The following NDUFA10 variants were observed in gnomAD, a reference collection of about 807,000 sequenced individuals.
NDUFA10 encodes the protein NADH dehydrogenase [ubiquinone] 1 alpha subcomplex subunit 10, mitochondrial.
In NDUFA10, 40 loss-of-function variants were observed where a neutral mutation model predicts 47.8. That is an observed-to-expected ratio of 0.84 (90% confidence interval 0.65 to 1.09). NDUFA10 has a LOEUF of 1.09. Ranked by LOEUF, NDUFA10 falls within the 50% of genes least tolerant of loss-of-function variation. NDUFA10 has a pLI of 0.00. For synonymous variants in NDUFA10, 183 were observed against 172.2 expected (o/e 1.06, Z -0.49); for missense variants, 413 against 451.1 (o/e 0.92, Z 0.76).
At chr2:239,925,951 A>G (rs1694057574) in intron 4 of NDUFA10, among the ~76,000 whole-genome samples, 2 of 152,252 alleles carry the variant, frequency 1.3e-5, no homozygotes, top group Admixed American at 1.3e-4. Flanking sequence ...AAATATCACT[A>G]TACATCTTTC....
rs966161614 is a variant in NDUFA10, at chr2:239,901,606, G to A, written c.295-6292C>T. Among the ~76,000 whole-genome samples, 16 of 151,880 alleles carry A rather than the reference G, an allele frequency of 1.1e-4. 1 individual carries two copies. The highest frequency in any genetic ancestry group is 2.2e-4 in the African/African-American group (9 of 41,316). ...ACATCCATTCTTCAGCCCATGAACC[G>A]AGGGGTGATCTGACTTTCAAGTTTC... On this transcript the variant is annotated intron_variant, in intron 4 of 5. Transcript: ENST00000419408.
chr2:239,931,339 C>T (rs1428018478), intron 4 of NDUFA10, among the ~76,000 whole-genome samples: 2 of 152,216 alleles, frequency 1.3e-5, no homozygotes, highest in Non-Finnish European at 2.9e-5. Context: ...TCACACAGCC[C>T]CCTCCCTCTC....
chr2:239,915,342 T>A (rs1693842597), intron 4 of NDUFA10, among the ~76,000 whole-genome samples: 1 of 114,326 alleles, frequency 8.7e-6, no homozygotes. Context: ...AACGAAGACA[T>A]ACTCAGACAC....
chr2:239,897,565 T>C (rs1693420183), intron 4 of NDUFA10, among the ~76,000 whole-genome samples: 1 of 152,210 alleles, frequency 6.6e-6, no homozygotes, highest in Non-Finnish European at 1.5e-5. Context: ...GACAAGTGTC[T>C]GTTATATTTT....
intron 4 of NDUFA10, among the ~76,000 whole-genome samples, chr2:239,901,032 G>C (rs1431178339): frequency 6.6e-6 from 1 of 152,246 alleles, no homozygotes; most frequent in Non-Finnish European, 1.5e-5. Flanking sequence ...GTTGGAAAAA[G>C]ATGCCATCTA....
intron 3 of NDUFA10, among the ~76,000 whole-genome samples, chr2:240,020,232 C>T (rs973868338): frequency 2.0e-5 from 3 of 152,186 alleles, no homozygotes; most frequent in Non-Finnish European, 4.4e-5. Context: ...ATGAAGCCAA[C>T]CCTAGTGGCG....
chr2:239,910,893 T>C (rs759531309), intron 4 of NDUFA10, among the ~76,000 whole-genome samples: 6 of 152,188 alleles, frequency 3.9e-5, no homozygotes, highest in South Asian at 4.1e-4. Context: ...TCGTGAGCTG[T>C]CCAACAGCTC....
rs558209459 is a variant in NDUFA10 at position 239,985,814 on chromosome 2, G to C, written c.999+4260C>G. On this transcript the variant is annotated intron_variant, in intron 9 of 9. Coordinates refer to ENST00000252711, the MANE Select transcript of NDUFA10 (RefSeq NM_004544.4). ...TAGTCCCAACTACTCGGGAGGCTGA[G>C]GCAGCAGAATCGCTTGAACCTGGGA... Among the ~76,000 whole-genome samples the C allele has an allele frequency of 5.9e-5, 9 of 151,688 alleles. No individual in the cohort carries two copies. In the South Asian group the frequency reaches 1.2e-3, roughly 21 times the overall value.
chr2:240,019,688 G>A (rs1393780577), intron 3 of NDUFA10, among the ~76,000 whole-genome samples: 1 of 82,938 alleles, frequency 1.2e-5, no homozygotes. Flanking sequence ...GCGTAGTGGC[G>A]GGCGCCTGTA....
Position 239,983,731 on chromosome 2 carries a change from G to A in NDUFA10, c.999+6343C>T, listed in dbSNP as rs532580854. 4.9e-5 allele frequency: 77 copies of A among 1,555,706 alleles called. No homozygotes were observed. In the South Asian group the frequency reaches 5.2e-4, roughly 11 times the overall value. On this transcript the variant is annotated intron_variant, in intron 9 of 9. Coordinates refer to ENST00000252711, the MANE Select transcript of NDUFA10 (RefSeq NM_004544.4). ...CCAATCTAATCGCTAGAGAAACATC[G>A]GGCAACCCTCAACTGAGGGAGAGTC...
chr2:239,901,084 G>C (rs1207914634), intron 4 of NDUFA10, among the ~76,000 whole-genome samples: 2 of 152,206 alleles, frequency 1.3e-5, no homozygotes, highest in African/African-American at 4.8e-5. Context: ...GGGCTTCAAA[G>C]GACAAGCTGA....
chr2:240,024,350 T>G (rs1697765406), intron 1 of NDUFA10, among the ~76,000 whole-genome samples: 1 of 152,206 alleles, frequency 6.6e-6, no homozygotes, highest in Non-Finnish European at 1.5e-5. Context: ...TTCCAAGTAT[T>G]CAAGGCGTCT....
intron 4 of NDUFA10, among the ~76,000 whole-genome samples, chr2:239,949,868 G>T (rs969154769): frequency 6.6e-6 from 1 of 152,148 alleles, no homozygotes; most frequent in Non-Finnish European, 1.5e-5. Context: ...GCAGACAGCA[G>T]ATCTTGGGGC....
At chr2:239,911,668 A>AGTGTGTGTGTGTGTGT (rs1209330426) in intron 4 of NDUFA10, among the ~76,000 whole-genome samples, 19 of 79,286 alleles carry the variant, frequency 2.4e-4, no homozygotes, top group African/African-American at 7.9e-4. Flanking sequence ...AAAACATGAG[A>AGTGTGTGTGTGTGTGT]GAGTGTGTGT....
intron 4 of NDUFA10, among the ~76,000 whole-genome samples, chr2:239,932,036 A>C (rs761179986): frequency 4.0e-5 from 6 of 151,684 alleles, no homozygotes; most frequent in Non-Finnish European, 8.8e-5. Context: ...GGGTTTCACC[A>C]TATTAGCCAG....
exon 5 of NDUFA10, chr2:239,895,263 C>A (rs1693370463): frequency 6.4e-6 from 3 of 469,958 alleles, no homozygotes; most frequent in South Asian, 3.1e-5. Context: ...AACAGGGAGC[C>A]CAGTGGAGAA....
intron 4 of NDUFA10, among the ~76,000 whole-genome samples, chr2:239,946,514 G>A (rs1694456476): frequency 6.6e-6 from 1 of 152,222 alleles, no homozygotes; most frequent in African/African-American, 2.4e-5. Context: ...TCAAGCCCAA[G>A]GGCTCACTGC....
intron 1 of NDUFA10, 89 bp from the exon 2 acceptor site, chr2:240,022,429 C>T (rs1402545243): frequency 1.3e-6 from 2 of 1,572,768 alleles, no homozygotes; most frequent in Non-Finnish European, 1.7e-6. Context: ...TACCAAGAAA[C>T]CTCTTAGTGA....
intron 4 of NDUFA10, among the ~76,000 whole-genome samples, chr2:239,898,938 CGGAGG>C (rs1693456575): frequency 2.0e-5 from 2 of 102,194 alleles, no homozygotes; most frequent in Non-Finnish European, 4.5e-5. Flanking sequence ...AGGGGTGTGA[CGGAGG>C]GGTGTGGAGG....
Sources: allele counts gnomAD v4.1 joint callset (sites outside exome capture counted in the v4.1 genomes callset), GRCh38; gene constraint gnomAD v4.1.1; transcripts MANE v1.5; gene names NCBI Gene and HGNC (gene_info 2026-07-23, HGNC 2026-07-21).